MDGA2: variants seen among roughly 807,000 people sequenced by gnomAD.
MDGA2 encodes the protein MAM domain containing glycosylphosphatidylinositol anchor 2, also known as MAM domain-containing glycosylphosphatidylinositol anchor protein 2.
MDGA2 carries 40 observed loss-of-function variants against 117.8 expected under a neutral mutation model. That is an observed-to-expected ratio of 0.34 (90% CI 0.26 to 0.44). MDGA2 has a LOEUF of 0.44. MDGA2 is among the 20% of genes least tolerant of loss of function. The pLI, the probability that MDGA2 is intolerant of heterozygous loss-of-function variation, is 1.00. For missense variants in MDGA2, 1,123 were observed against 1,250.6 expected (o/e 0.90, Z 1.54); for synonymous variants, 452 against 439.0 (o/e 1.03, Z -0.37).
At chr14:46,864,294 T>A (rs971892234) in intron 14 of MDGA2, among the ~76,000 whole-genome samples, 1 of 150,922 alleles carries the variant, frequency 6.6e-6, no homozygotes, top group Non-Finnish European at 1.5e-5. Flanking sequence ...TTTTGTTATA[T>A]GTAAATTATT....
intron 1 of MDGA2, among the ~76,000 whole-genome samples, chr14:47,583,912 A>G (rs1353113932): frequency 2.0e-5 from 3 of 151,812 alleles, no homozygotes; most frequent in African/African-American, 7.2e-5. Flanking sequence ...ATGTAAAGGG[A>G]AGACAATCTT....
At chr14:47,650,614 T>A (rs2104786) in intron 1 of MDGA2, among the ~76,000 whole-genome samples, 1 of 151,912 alleles carries the variant, frequency 6.6e-6, no homozygotes, top group African/African-American at 2.4e-5. Flanking sequence ...CTGTCCAGGG[T>A]TGCTTCCCAA....
chr14:47,400,914 C>T (rs1018731473), intron 1 of MDGA2, among the ~76,000 whole-genome samples: 1 of 147,896 alleles, frequency 6.8e-6, no homozygotes, highest in African/African-American at 2.5e-5. Context: ...CCCACCACCA[C>T]GCCCGGCTAA....
chr14:47,611,047 G>C (rs1896838541), intron 1 of MDGA2, among the ~76,000 whole-genome samples: 1 of 151,716 alleles, frequency 6.6e-6, no homozygotes, highest in African/African-American at 2.4e-5. Flanking sequence ...GAACCCAGAA[G>C]TAAACCCAAA....
intron 1 of MDGA2, among the ~76,000 whole-genome samples, chr14:47,441,421 T>A (rs1198462347): frequency 2.0e-5 from 3 of 152,174 alleles, no homozygotes; most frequent in Non-Finnish European, 4.4e-5. Flanking sequence ...AAAATGCACA[T>A]TTGTGCAAAA....
chr14:47,183,468 G>A (rs1002074304), intron 3 of MDGA2, among the ~76,000 whole-genome samples: 1 of 152,072 alleles, frequency 6.6e-6, no homozygotes, highest in Admixed American at 6.6e-5. Flanking sequence ...ATGTTTTAAT[G>A]AGGTTGATAA....
chr14:46,947,409 C>T (rs1263672731), intron 9 of MDGA2, among the ~76,000 whole-genome samples: 2 of 151,878 alleles, frequency 1.3e-5, no homozygotes, highest in Non-Finnish European at 2.9e-5. Flanking sequence ...TGTAAATTTT[C>T]CCCCCAACAT....
At chr14:47,103,309 A>G (rs879686034) in intron 5 of MDGA2, among the ~76,000 whole-genome samples, 1 of 152,230 alleles carries the variant, frequency 6.6e-6, no homozygotes, top group Non-Finnish European at 1.5e-5. Flanking sequence ...CATATATTTC[A>G]TTGAAATTCA....
chr14:47,655,851 G>A (rs949898506), intron 1 of MDGA2, among the ~76,000 whole-genome samples: 1 of 152,044 alleles, frequency 6.6e-6, no homozygotes, highest in African/African-American at 2.4e-5. Flanking sequence ...GGAGGTATAG[G>A]TTCAACTGAA....
intron 1 of MDGA2, among the ~76,000 whole-genome samples, chr14:47,533,041 A>G (rs1237202973): frequency 2.6e-5 from 4 of 152,220 alleles, no homozygotes; most frequent in African/African-American, 9.6e-5. Flanking sequence ...CTTTTCTGAC[A>G]GCATCCACTT....
intron 1 of MDGA2, among the ~76,000 whole-genome samples, chr14:47,440,094 T>C (rs2138545285): frequency 6.6e-6 from 1 of 152,130 alleles, no homozygotes; most frequent in South Asian, 2.1e-4. Context: ...ACAATGTCAC[T>C]GCTCCATCCA....
At chr14:47,328,929 T>C (rs899916712) in intron 1 of MDGA2, among the ~76,000 whole-genome samples, 13 of 152,182 alleles carry the variant, frequency 8.5e-5, no homozygotes, top group Non-Finnish European at 1.9e-4. Context: ...ATTTGGTTGC[T>C]CTCACATTGT....
chr14:47,137,531 C>T (rs1882516505), intron 4 of MDGA2, among the ~76,000 whole-genome samples: 1 of 152,076 alleles, frequency 6.6e-6, no homozygotes, highest in African/African-American at 2.4e-5. Context: ...TGCTTCCTCT[C>T]TCATCATGTG....
intron 1 of MDGA2, among the ~76,000 whole-genome samples, chr14:47,482,074 G>A (rs1318309652): frequency 1.3e-5 from 2 of 151,960 alleles, no homozygotes; most frequent in East Asian, 3.9e-4. Flanking sequence ...AGATTTTCCA[G>A]TTAGAATTTA....
In MDGA2 at chr14:47,143,092, G is replaced by A. The variant is rs955238048; in HGVS notation, c.792+986C>T. Among the ~76,000 whole-genome samples, 7 of 152,032 alleles carry A rather than the reference G, an allele frequency of 4.6e-5. No homozygotes were observed. In the East Asian group the frequency reaches 1.4e-3, roughly 29 times the overall value. On this transcript the variant is annotated intron_variant, in intron 4 of 16. Transcript: ENST00000399232. The stretch of plus-strand genomic sequence containing the variant: ...ACCATATAAGGAAATATATTCAATG[G>A]TGAAAAATGGGATCCTGAGTAGCTG...
At chr14:47,182,320 A>C (rs1398134565) in intron 3 of MDGA2, among the ~76,000 whole-genome samples, 1 of 152,112 alleles carries the variant, frequency 6.6e-6, no homozygotes, top group African/African-American at 2.4e-5. Flanking sequence ...ACCCAAATTA[A>C]TATGTTGAAG....
chr14:47,063,404 G>C (rs892920576), intron 6 of MDGA2, among the ~76,000 whole-genome samples: 2 of 151,806 alleles, frequency 1.3e-5, no homozygotes, highest in Non-Finnish European at 2.9e-5. Context: ...CTGTTACCTA[G>C]AATCATATAT....
intron 10 of MDGA2, among the ~76,000 whole-genome samples, chr14:46,916,670 G>A (rs565996554): frequency 6.6e-6 from 1 of 152,036 alleles, no homozygotes; most frequent in Admixed American, 6.6e-5. Context: ...GTGTGTCTAC[G>A]TGCTCCTTCT....
chr14:47,033,442 C>T (rs1052432557), intron 8 of MDGA2, among the ~76,000 whole-genome samples: 2 of 152,252 alleles, frequency 1.3e-5, no homozygotes, highest in African/African-American at 2.4e-5. Flanking sequence ...CTGTGTTTAC[C>T]AACAAGATTG....
Sources: gnomAD v4.1 joint callset for allele counts (sites outside exome capture counted in the v4.1 genomes callset) on GRCh38, gnomAD v4.1.1 for gene constraint, MANE v1.5 for transcripts, NCBI Gene and HGNC (gene_info 2026-07-23, HGNC 2026-07-21) for gene names.